Variants in HECTD4 observed in about 807,000 individuals in gnomAD.
The protein encoded by HECTD4 is probable E3 ubiquitin-protein ligase HECTD4.
In HECTD4, 114 loss-of-function variants were observed where a neutral mutation model predicts 471.5. That is an observed-to-expected ratio of 0.24 (90% CI 0.21 to 0.28). The LOEUF (loss-of-function observed/expected upper bound fraction) is 0.28. Ranked by LOEUF, HECTD4 falls within the 10% of genes least tolerant of loss-of-function variation. The pLI is 1.00. For missense variants in HECTD4, 3,866 were observed against 5,651.5 expected (o/e 0.68, Z 10.13); for synonymous variants, 2,012 against 2,256.0 (o/e 0.89, Z 3.07).
chr12:112,243,672 C>T lies in HECTD4; in HGVS notation c.4739G>A (p.Ser1580Asn), dbSNP rs2033691655. 6.2e-7 allele frequency: 1 copy of T among 1,613,406 alleles called. No individual in the cohort carries two copies. The highest frequency in any genetic ancestry group is 1.7e-5 in the Admixed American group (1 of 59,898). ...IEDSRDKPTY[S>N]VLLGQLFAFI... ...AGCAAACAGCTGCCCTAGCAGGACACTGTAGGTGGGCTTGTCCCTGCTGTC... is the reference window on the plus strand; with the variant it reads ...AGCAAACAGCTGCCCTAGCAGGACATTGTAGGTGGGCTTGTCCCTGCTGTC... The change falls in exon 31 of 76, where the codon AGT (serine) becomes AAT (asparagine). Residue 1580 changes from serine (S) to asparagine (N), a missense_variant. This residue lies in a region of HECTD4 where 229 missense variants were observed against 386.4 expected (regional missense o/e 0.59). Coordinates refer to ENST00000682272, the MANE Select transcript of HECTD4 (RefSeq NM_001388303.1). This position sits in a 1 kb window ranked among gnomAD's most constrained non-coding sequence, Gnocchi z 6.6.
chr12:112,344,955 GAAGATAA>G (rs775587001), intron 1 of HECTD4, among the ~76,000 whole-genome samples: 70 of 150,840 alleles, frequency 4.6e-4, no homozygotes, highest in Non-Finnish European at 9.6e-4. Flanking sequence ...AGAGAGAAGA[GAAGATAA>G]AAGATAAGAT....
chr12:112,364,202 C>T (rs1387821478), intron 1 of HECTD4, among the ~76,000 whole-genome samples: 1 of 151,634 alleles, frequency 6.6e-6, no homozygotes, highest in Non-Finnish European at 1.5e-5. Flanking sequence ...GTCAGGAGTT[C>T]GAGACCAGCC....
intron 1 of HECTD4, among the ~76,000 whole-genome samples, chr12:112,351,826 G>A (rs565047931): frequency 3.3e-5 from 5 of 152,220 alleles, no homozygotes; most frequent in East Asian, 3.9e-4. Context: ...AATTACTGTC[G>A]GCATGTTTAA....
Position 112,216,416 on chromosome 12 carries a change from G to A in HECTD4, c.7386-45C>T, listed in dbSNP as rs759526936. On this transcript the variant is annotated intron_variant, in intron 47 of 75. Transcript: ENST00000682272. ...GGGAGGTCAAAGACAAGAAAGATAA[G>A]CCTCACTGGCCAACACACAAACAGG... 4 of 1,307,080 alleles carry A rather than the reference G, an allele frequency of 3.1e-6. No homozygotes were observed. In the South Asian group the frequency reaches 3.8e-5, roughly 12 times the overall value. The allele number at this position is 1,307,080 out of a possible 1,614,324, so 81.0% of individuals were successfully genotyped here.
intron 55 of HECTD4, among the ~76,000 whole-genome samples, chr12:112,199,393 C>T (rs557055343): frequency 2.6e-5 from 4 of 152,294 alleles, no homozygotes; most frequent in Non-Finnish European, 5.9e-5. Context: ...TGGTCTATCT[C>T]AAGAGGTCTT....
chr12:112,203,520 C>A, intron 54 of HECTD4, 116 bp downstream of exon 54: 1 of 864,178 alleles, frequency 1.2e-6, no homozygotes, highest in Non-Finnish European at 1.7e-6. Flanking sequence ...TGTCTTCGTC[C>A]CTGATTTGAA....
intron 60 of HECTD4, among the ~76,000 whole-genome samples, chr12:112,189,682 C>T (rs2032011649): frequency 1.3e-5 from 2 of 151,738 alleles, no homozygotes; most frequent in South Asian, 4.2e-4. Context: ...CCCCTGCCAA[C>T]TTTCCTCTTT....
chr12:112,177,963 G>A lies in HECTD4; in HGVS notation c.11363+968C>T, dbSNP rs571232591. Among the ~76,000 whole-genome samples, 91 of 152,316 alleles carry A rather than the reference G, an allele frequency of 6.0e-4. No homozygotes were observed. The Middle Eastern group carries it at 0.034, about 57-fold the overall frequency. The stretch of plus-strand genomic sequence containing the variant: ...TGCTTTTGAATCTTGTACTATTTTG[G>A]TCATTCAAAACTTATGAAAATAATA... On this transcript the variant is annotated intron_variant, in intron 64 of 75. Transcript: ENST00000682272.
intron 21 of HECTD4, among the ~76,000 whole-genome samples, chr12:112,254,585 G>A (rs562685558): frequency 6.6e-6 from 1 of 151,562 alleles, no homozygotes; most frequent in South Asian, 2.1e-4. Flanking sequence ...AAATACAGAT[G>A]GAAATATGGT....
intron 70 of HECTD4, 147 bp downstream of exon 70, chr12:112,169,356 C>T: frequency 2.2e-6 from 2 of 929,598 alleles, no homozygotes; most frequent in Non-Finnish European, 3.1e-6. Flanking sequence ...GGGCGTGAGG[C>T]CACTCTGGGT....
At chr12:112,236,590 T>G (rs1289663411) in intron 35 of HECTD4, among the ~76,000 whole-genome samples, 2 of 152,220 alleles carry the variant, frequency 1.3e-5, no homozygotes, top group Non-Finnish European at 2.9e-5. Flanking sequence ...GAAAGTGAGT[T>G]AATTACAGGC....
Position 112,254,078 on chromosome 12 carries a change from C to T in HECTD4, c.3412G>A (p.Val1138Ile). 1 of 1,614,004 alleles carries T rather than the reference C, an allele frequency of 6.2e-7. No homozygotes were observed. Among genetic ancestry groups the T allele is most frequent in the Non-Finnish European group, 8.5e-7 (1 of 1,179,882 alleles). ...GNTLGYGSRS[V>I]LGTGWPKDLV... Reference sequence around the variant, plus strand: ...TCTTTCGGCCAACCAGTTCCTAAGACACTACGGCTGCCATATCCCAGTGTG... The same window carrying T: ...TCTTTCGGCCAACCAGTTCCTAAGATACTACGGCTGCCATATCCCAGTGTG... Residue 1138 changes from valine to isoleucine, a missense_variant, in exon 22 of 76, where the codon GTC becomes ATC. Val to Ile is a conservative substitution (Grantham distance 29). Transcript: ENST00000682272.
At chr12:112,348,399 A>C (rs1057236441) in intron 1 of HECTD4, among the ~76,000 whole-genome samples, 2 of 152,236 alleles carry the variant, frequency 1.3e-5, no homozygotes, top group Non-Finnish European at 2.9e-5. Context: ...ATGTTGTATC[A>C]AACAGAACTA....
chr12:112,230,808 C>G lies in HECTD4; in HGVS notation c.6215G>C (p.Arg2072Pro), dbSNP rs1816374857. 1 of 1,609,888 alleles carries G rather than the reference C, an allele frequency of 6.2e-7. No individual in the cohort carries two copies. The highest frequency in any genetic ancestry group is 1.3e-5 in the African/African-American group (1 of 74,860). The change falls in exon 40 of 76, where the codon CGT (arginine) becomes CCT (proline). Residue 2072 changes from arginine (R) to proline (P), a missense_variant. Physicochemically the swap from Arg to Pro is moderately radical, Grantham distance 103. Around this residue, in one of 16 missense-constraint regions of HECTD4, gnomAD observed 617 missense variants for 915.1 expected, o/e 0.67. Transcript: ENST00000682272. ...NSELARTDPV[R>P]PFISGHVANS... ...TGCCACATGCCCACTGATGAAGGGACGCACAGGATCAGTCCTGCAAGTGTC... is the reference window on the plus strand; with the variant it reads ...TGCCACATGCCCACTGATGAAGGGAGGCACAGGATCAGTCCTGCAAGTGTC...
At position 112,217,113 on chromosome 12, in the gene HECTD4, G is replaced by T; in HGVS notation, c.7157C>A (p.Thr2386Asn). The change falls in exon 46 of 76, where the codon ACC becomes AAC. Residue 2386 changes from threonine to asparagine, a missense_variant. Physicochemically the swap from Thr to Asn is moderately conservative, Grantham distance 65. Around this residue, in one of 16 missense-constraint regions of HECTD4, gnomAD observed 617 missense variants for 915.1 expected, o/e 0.67. Coordinates refer to ENST00000682272, the MANE Select transcript of HECTD4 (RefSeq NM_001388303.1). ...CCCAGCGCTGGGGTCAGCCAGGAAGGTGACTGAGGTAAGGTGAGATGAGAA... is the reference window on the plus strand; with the variant it reads ...CCCAGCGCTGGGGTCAGCCAGGAAGTTGACTGAGGTAAGGTGAGATGAGAA... ...CMFSSHLTSVTFLADPSAGGG... is the reference protein window; with the variant it reads ...CMFSSHLTSVNFLADPSAGGG... The T allele has an allele frequency of 6.3e-7, 1 of 1,594,396 alleles. No individual in the cohort carries two copies. The highest frequency in any genetic ancestry group is 8.5e-7 in the Non-Finnish European group (1 of 1,170,442).
intron 1 of HECTD4, among the ~76,000 whole-genome samples, chr12:112,353,082 C>G (rs1284705786): frequency 6.6e-6 from 1 of 152,152 alleles, no homozygotes; most frequent in Non-Finnish European, 1.5e-5. Flanking sequence ...TACCCCAGAC[C>G]AAAACAGAAC....
At chr12:112,224,148 G>A (rs2033168258) in intron 44 of HECTD4, among the ~76,000 whole-genome samples, 1 of 152,116 alleles carries the variant, frequency 6.6e-6, no homozygotes, top group South Asian at 2.1e-4. Context: ...AAGTAACCCG[G>A]AATGTAGGTT....
At chr12:112,292,727 G>T (rs1192497173) in intron 7 of HECTD4, among the ~76,000 whole-genome samples, 1 of 152,054 alleles carries the variant, frequency 6.6e-6, no homozygotes, top group Non-Finnish European at 1.5e-5. Context: ...AAAATACCGG[G>T]AAAAAAATCT....
At chr12:112,364,416 A>ATAAAT (rs201331318) in intron 1 of HECTD4, among the ~76,000 whole-genome samples, 2 of 151,492 alleles carry the variant, frequency 1.3e-5, no homozygotes, top group African/African-American at 2.4e-5. Flanking sequence ...CTCAAAAAAA[A>ATAAAT]AAAAAAATAA....
Sources: gnomAD v4.1 joint callset for allele counts (sites outside exome capture counted in the v4.1 genomes callset) on GRCh38, gnomAD v4.1.1 for gene constraint, gnomAD v4.1.1 regional missense constraint, Gnocchi (gnomAD v3.1) non-coding constraint, MANE v1.5 for transcripts, NCBI Gene and HGNC (gene_info 2026-07-23, HGNC 2026-07-21) for gene names.